TSPAN7: variants seen among roughly 807,000 people sequenced by gnomAD.
TSPAN7 encodes the protein tetraspanin 7.
Under a neutral mutation model 17.6 loss-of-function variants are expected in TSPAN7, and 1 was observed. The observed-to-expected ratio is 0.06, with a 90% CI of 0.02 to 0.27. The LOEUF (loss-of-function observed/expected upper bound fraction) is 0.27. Among genes scored for constraint, TSPAN7 ranks in the 10% least tolerant of loss-of-function variants. TSPAN7 has a pLI of 1.00. For synonymous variants in TSPAN7, 78 were observed against 79.0 expected (o/e 0.99, Z 0.07); for missense variants, 112 against 201.7 (o/e 0.56, Z 2.69).
At chrX:38,586,167 T>C (rs1390855126) in intron 1 of TSPAN7, among the ~76,000 whole-genome samples, 1 of 112,264 alleles carries the variant, frequency 8.9e-6, no homozygotes, top group Non-Finnish European at 1.9e-5. Context: ...TGAGCCTTCT[T>C]TACTACCTTC....
rs1466197163 is a variant in TSPAN7, at chrX:38,659,035, CACA to C, written c.82-7085_82-7083del. On this transcript the variant is annotated intron_variant, in intron 1 of 7. Coordinates refer to ENST00000378482, the MANE Select transcript of TSPAN7 (RefSeq NM_004615.4). ...ACACACACACACACACACACACACA[CACA>C]CCCACAGACGTACACATGTATACAT... Among the ~76,000 whole-genome samples the C allele has an allele frequency of 1.2e-3, 102 of 86,072 alleles. No individual in the cohort carries two copies. In the East Asian group the frequency reaches 0.02, roughly 17 times the overall value. 74.7% of individuals were successfully genotyped at this position (86,072 alleles called of 115,157 possible). A position where few individuals can be genotyped will look rare whatever the true frequency, so the allele number is the denominator to read the frequency against.
chrX:38,656,531 A>G (rs1438615462), intron 1 of TSPAN7, among the ~76,000 whole-genome samples: 1 of 111,309 alleles, frequency 9.0e-6, no homozygotes, highest in Non-Finnish European at 1.9e-5. Context: ...TGTGTATTCA[A>G]CTGTGCCAAA....
At chrX:38,580,885 G>A (rs899581054) in intron 1 of TSPAN7, among the ~76,000 whole-genome samples, 6 of 111,355 alleles carry the variant, frequency 5.4e-5, no homozygotes, top group Admixed American at 3.8e-4. Context: ...TTGAAGAGAT[G>A]GGTTAGAGGG....
chrX:38,682,975 C>T (rs929505539), intron 6 of TSPAN7, among the ~76,000 whole-genome samples: 5 of 111,208 alleles, frequency 4.5e-5, no homozygotes, highest in Admixed American at 9.5e-5. Context: ...ATCAAAAGGG[C>T]GTCTTGTGTT....
At chrX:38,621,007 A>G (rs1394116915) in intron 1 of TSPAN7, among the ~76,000 whole-genome samples, 2 of 112,125 alleles carry the variant, frequency 1.8e-5, no homozygotes, top group Non-Finnish European at 3.8e-5. Context: ...GGGACAGCCT[A>G]TGGATCTTGA....
chrX:38,670,808 G>A (rs1773141713), intron 2 of TSPAN7, among the ~76,000 whole-genome samples: 1 of 112,548 alleles, frequency 8.9e-6, no homozygotes, highest in Non-Finnish European at 1.9e-5. Context: ...ACATTGGGCT[G>A]GTTCTTATTT....
chrX:38,638,248 C>T (rs1414691362), intron 1 of TSPAN7, among the ~76,000 whole-genome samples: 2 of 112,308 alleles, frequency 1.8e-5, no homozygotes, highest in African/African-American at 6.5e-5. Context: ...TATTGACTTA[C>T]CTCCTTCACC....
intron 1 of TSPAN7, among the ~76,000 whole-genome samples, chrX:38,578,260 G>T (rs1297912461): frequency 8.9e-6 from 1 of 111,849 alleles, no homozygotes; most frequent in African/African-American, 3.3e-5. Context: ...TGCAGTTAAT[G>T]CTGAGTTGCT....
At chrX:38,612,996 C>A (rs980986962) in intron 1 of TSPAN7, among the ~76,000 whole-genome samples, 3 of 111,854 alleles carry the variant, frequency 2.7e-5, no homozygotes, top group Non-Finnish European at 5.6e-5. Flanking sequence ...ATTCTGACAC[C>A]TCAATTCTTC....
chrX:38,674,018 A>G (rs2069837870), intron 3 of TSPAN7, among the ~76,000 whole-genome samples: 1 of 111,583 alleles, frequency 9.0e-6, no homozygotes, highest in Admixed American at 9.5e-5. Context: ...GGCTGAGGGG[A>G]ACAATTTTTT....
rs769552663 is a variant in TSPAN7, at chrX:38,644,867, T to C, written c.82-21254T>C. Among the ~76,000 whole-genome samples, 10 of 112,322 alleles carry C rather than the reference T, an allele frequency of 8.9e-5. No homozygotes were observed. In the South Asian group the frequency reaches 3.4e-3, roughly 38 times the overall value. ...TTGTCAGGCAGGTACTCGATCATCA[T>C]TGACTCCCTCTTACAGATGAGGGAA... On this transcript the variant is annotated intron_variant, in intron 1 of 7. Coordinates refer to ENST00000378482, the MANE Select transcript of TSPAN7 (RefSeq NM_004615.4).
intron 1 of TSPAN7, among the ~76,000 whole-genome samples, chrX:38,653,844 C>T (rs1294474320): frequency 8.9e-6 from 1 of 112,119 alleles, no homozygotes; most frequent in Admixed American, 9.4e-5. Context: ...TATACATGTG[C>T]CATGTTGGTG....
chrX:38,630,506 G>A (rs1053645305), intron 1 of TSPAN7, among the ~76,000 whole-genome samples: 2 of 111,562 alleles, frequency 1.8e-5, no homozygotes, highest in African/African-American at 6.5e-5. Context: ...GTAAGTCCAG[G>A]TAAAGACTGT....
intron 5 of TSPAN7, among the ~76,000 whole-genome samples, chrX:38,677,785 C>T (rs1015570022): frequency 8.9e-6 from 1 of 112,562 alleles, no homozygotes; most frequent in African/African-American, 3.2e-5. Context: ...AGACAAATTA[C>T]TTTTCCTGAC....
At chrX:38,666,458 C>T (rs779380614) in intron 2 of TSPAN7, 149 bp downstream of exon 2, 1 of 630,495 alleles carries the variant, frequency 1.6e-6, no homozygotes, top group Non-Finnish European at 2.5e-6. Context: ...CTTTAATCCC[C>T]TAGAGGTAAA....
At chrX:38,662,284 C>T (rs1347803173) in intron 1 of TSPAN7, among the ~76,000 whole-genome samples, 22 of 112,173 alleles carry the variant, frequency 2.0e-4, no homozygotes, top group East Asian at 2.0e-3. Flanking sequence ...ATTACTGGCC[C>T]TTTCTGGTCC....
chrX:38,586,431 T>C, intron 1 of TSPAN7, among the ~76,000 whole-genome samples: 1 of 112,490 alleles, frequency 8.9e-6, no homozygotes, highest in South Asian at 3.7e-4. Context: ...TAACCTGGTA[T>C]GTCATATGTT....
intron 1 of TSPAN7, among the ~76,000 whole-genome samples, chrX:38,636,595 AG>A (rs2069580887): frequency 8.9e-6 from 1 of 111,918 alleles, no homozygotes; most frequent in East Asian, 2.8e-4. Context: ...ACCTGGTGGG[AG>A]GCAGGCCCAC....
intron 1 of TSPAN7, among the ~76,000 whole-genome samples, chrX:38,568,217 A>C (rs148800542): frequency 1.8e-3 from 196 of 108,857 alleles, no homozygotes; most frequent in African/African-American, 6.3e-3. Flanking sequence ...GTCTCCCTTC[A>C]CCATCATCCT....
Sources: allele counts gnomAD v4.1 joint callset (sites outside exome capture counted in the v4.1 genomes callset), GRCh38; gene constraint gnomAD v4.1.1; transcripts MANE v1.5; gene names NCBI Gene and HGNC (gene_info 2026-07-23, HGNC 2026-07-21).